Variants in WWOX observed in about 807,000 individuals in gnomAD.
WWOX encodes WW domain containing oxidoreductase.
WWOX carries 69 observed loss-of-function variants against 46.2 expected under a neutral mutation model. The ratio of observed to expected loss-of-function variants is 1.49; its 90% CI spans 1.23 to 1.82. WWOX has a LOEUF of 1.82. Among genes scored for constraint, WWOX ranks in the 40% most tolerant of loss-of-function variants. The pLI is 0.00. For missense variants in WWOX, 919 were observed against 542.6 expected, an observed-to-expected ratio of 1.69 and a Z score of -6.89; for synonymous variants, 359 against 202.6, an observed-to-expected ratio of 1.77 and a Z score of -6.56.
chr16:78,408,037 A>C (rs72796099), intron 6 of WWOX, among the ~76,000 whole-genome samples: 9,157 of 152,226 alleles, frequency 0.06, 420 homozygotes, highest in South Asian at 0.19. Context: ...GGGTACTTAA[A>C]GTCCAGGTGA....
intron 8 of WWOX, among the ~76,000 whole-genome samples, chr16:78,812,126 C>G (rs775077015): frequency 1.3e-5 from 2 of 151,952 alleles, no homozygotes; most frequent in South Asian, 2.1e-4. Flanking sequence ...CCACAGAGAC[C>G]AAATACAGTA....
In WWOX at chr16:78,619,774, G is replaced by T. The variant is rs562462920; in HGVS notation, c.1056+187022G>T. On this transcript the variant is annotated intron_variant, in intron 8 of 8. Transcript: ENST00000566780. ...AAAGCAACAAAAAAATGAGACATGG[G>T]GGTGCATGTCTGTGGTCCCAGCTAC... 5.3e-5 allele frequency among the ~76,000 whole-genome samples: 8 copies of T among 151,990 alleles called. No homozygotes were observed. In the South Asian group the frequency reaches 1.7e-3, roughly 32 times the overall value.
At chr16:78,132,768 G>C (rs1462914205) in intron 4 of WWOX, among the ~76,000 whole-genome samples, 1 of 152,090 alleles carries the variant, frequency 6.6e-6, no homozygotes, top group South Asian at 2.1e-4. Flanking sequence ...TGGGCTCTTC[G>C]ATTCTCACGT....
intron 8 of WWOX, among the ~76,000 whole-genome samples, chr16:78,736,608 G>C (rs187802944): frequency 6.6e-6 from 1 of 151,598 alleles, no homozygotes; most frequent in Admixed American, 6.6e-5. Context: ...ATTTTGTTTT[G>C]TTTTACTGAG....
intron 8 of WWOX, among the ~76,000 whole-genome samples, chr16:79,064,707 T>C (rs2048411776): frequency 6.6e-6 from 1 of 152,212 alleles, no homozygotes; most frequent in Admixed American, 6.5e-5. Flanking sequence ...GAGTCAGCCC[T>C]GAGGGAGGAG....
chr16:78,361,328 G>T (rs1704316459), intron 5 of WWOX, among the ~76,000 whole-genome samples: 1 of 152,118 alleles, frequency 6.6e-6, no homozygotes, highest in South Asian at 2.1e-4. Context: ...TGTTAACCTT[G>T]ATCACTTGGT....
chr16:78,375,904 T>G (rs1264869981), intron 5 of WWOX, among the ~76,000 whole-genome samples: 1 of 150,056 alleles, frequency 6.7e-6, no homozygotes. Flanking sequence ...CAGGCTCGAG[T>G]GCAGTGGCAT....
At chr16:78,136,134 A>G (rs567257226) in intron 4 of WWOX, among the ~76,000 whole-genome samples, 4 of 152,198 alleles carry the variant, frequency 2.6e-5, no homozygotes, top group Non-Finnish European at 4.4e-5. Context: ...AACTTTATCA[A>G]CCTTGGCTGA....
At chr16:78,154,391 A>G (rs1437692904) in intron 4 of WWOX, among the ~76,000 whole-genome samples, 1 of 151,802 alleles carries the variant, frequency 6.6e-6, no homozygotes, top group Admixed American at 6.6e-5. Flanking sequence ...CGCTGCCTAC[A>G]GAGGAGTCCC....
intron 8 of WWOX, among the ~76,000 whole-genome samples, chr16:78,848,566 G>C (rs183639993): frequency 6.6e-6 from 1 of 152,276 alleles, no homozygotes; most frequent in Non-Finnish European, 1.5e-5. Flanking sequence ...AGGGTACGGG[G>C]AACCTGGCCT....
At chr16:78,692,357 C>T (rs1171959489) in intron 8 of WWOX, among the ~76,000 whole-genome samples, 1 of 152,162 alleles carries the variant, frequency 6.6e-6, no homozygotes, top group Non-Finnish European at 1.5e-5. Context: ...GCTTCCTTAC[C>T]AGTTCCCAAA....
intron 8 of WWOX, among the ~76,000 whole-genome samples, chr16:79,129,098 G>A (rs1182538822): frequency 1.3e-5 from 2 of 152,068 alleles, no homozygotes; most frequent in African/African-American, 2.4e-5. Flanking sequence ...GATCTTGATA[G>A]GAATGCTTGC....
rs781180473 is a variant in WWOX, at chr16:78,099,806, G to C, written c.28G>C (p.Asp10His). Residue 10 changes from aspartate (D) to histidine (H), a missense_variant, in exon 1 of 9, where the codon GAC becomes CAC. Physicochemically the swap from Asp to His is moderately conservative, Grantham distance 81. Coordinates refer to ENST00000566780, the MANE Select transcript of WWOX (RefSeq NM_016373.4). Reference sequence around the variant, plus strand: ...GGCAGCGCTGCGCTACGCGGGGCTGGACGACACGGACAGTGAGGACGAGCT... The same window carrying C: ...GGCAGCGCTGCGCTACGCGGGGCTGCACGACACGGACAGTGAGGACGAGCT... MAALRYAGL[D>H]DTDSEDELPP... The C allele has an allele frequency of 3.8e-6, 6 of 1,574,070 alleles. No homozygotes were observed. Among genetic ancestry groups the C allele is most frequent in the Non-Finnish European group, 5.2e-6 (6 of 1,161,428 alleles).
chr16:78,419,134 T>A (rs190465317), intron 6 of WWOX, among the ~76,000 whole-genome samples: 60 of 152,324 alleles, frequency 3.9e-4, no homozygotes, highest in Admixed American at 2.2e-3. Flanking sequence ...CGTAAGTCAA[T>A]TGTATTTCTA....
chr16:78,751,256 A>G (rs932729537), intron 8 of WWOX, among the ~76,000 whole-genome samples: 15 of 151,816 alleles, frequency 9.9e-5, no homozygotes, highest in African/African-American at 3.6e-4. Context: ...TATGAGATAA[A>G]TATACCTGGA....
At chr16:78,786,655 A>G (rs2050464739) in intron 8 of WWOX, among the ~76,000 whole-genome samples, 1 of 152,208 alleles carries the variant, frequency 6.6e-6, no homozygotes, top group Admixed American at 6.5e-5. Flanking sequence ...ATCTAATTTT[A>G]GAGTATCTTT....
At chr16:78,809,414 T>C (rs562616503) in intron 8 of WWOX, among the ~76,000 whole-genome samples, 2 of 152,250 alleles carry the variant, frequency 1.3e-5, no homozygotes, top group South Asian at 4.2e-4. Flanking sequence ...TCTGCTTCCC[T>C]TCCCTAGTAT....
intron 6 of WWOX, among the ~76,000 whole-genome samples, chr16:78,403,282 T>C (rs1211281756): frequency 6.6e-6 from 1 of 152,234 alleles, no homozygotes; most frequent in East Asian, 1.9e-4. Flanking sequence ...GCATTAAAAC[T>C]GTATAAAGTG....
chr16:79,056,556 T>G (rs4888918), intron 8 of WWOX, among the ~76,000 whole-genome samples: 8 of 151,384 alleles, frequency 5.3e-5, no homozygotes, highest in African/African-American at 1.7e-4. Flanking sequence ...TTGGATAATT[T>G]TTTGTTGGGA....
Sources: allele counts gnomAD v4.1 joint callset (sites outside exome capture counted in the v4.1 genomes callset), GRCh38; gene constraint gnomAD v4.1.1; transcripts MANE v1.5; gene names NCBI Gene and HGNC (gene_info 2026-07-23, HGNC 2026-07-21).